Variants in ATP8A1 observed in about 807,000 individuals in gnomAD.
The protein encoded by ATP8A1 is phospholipid-transporting ATPase IA.
In ATP8A1, 90 loss-of-function variants were observed where a neutral mutation model predicts 177.7. That is an observed-to-expected ratio of 0.51 (90% CI 0.43 to 0.60). The LOEUF is 0.60. Ranked by LOEUF, ATP8A1 falls within the 20% of genes least tolerant of loss-of-function variation. The pLI, the probability that ATP8A1 is intolerant of heterozygous loss-of-function variation, is 0.00. For synonymous variants in ATP8A1, 493 were observed against 485.9 expected (o/e 1.01, Z -0.19); for missense variants, 1,072 against 1,392.8 (o/e 0.77, Z 3.67).
At chr4:42,468,483 T>A (rs1450628725) in intron 25 of ATP8A1, among the ~76,000 whole-genome samples, 2 of 151,664 alleles carry the variant, frequency 1.3e-5, no homozygotes, top group African/African-American at 4.8e-5. Context: ...ATGAATGAGA[T>A]GGAATACTAC....
In ATP8A1 at chr4:42,455,401, G is replaced by A; in HGVS notation, c.2713C>T (p.Pro905Ser). The change falls in exon 29 of 37, where the codon CCT (proline) becomes TCT (serine). Residue 905 changes from proline to serine, a missense_variant. Transcript: ENST00000381668. ...LYNVMFTAMPPLTLGIFERSC... is the reference protein window; with the variant it reads ...LYNVMFTAMPSLTLGIFERSC... ...CTCTCAAATATTCCAAGAGTTAAAG[G>A]AGGCATTGCTGTAAACATCTAAAGC... The A allele has an allele frequency of 6.2e-7, 1 of 1,613,830 alleles. No homozygotes were observed. Among genetic ancestry groups the A allele is most frequent in the Non-Finnish European group, 8.5e-7 (1 of 1,179,814 alleles).
At chr4:42,448,539 A>T (rs997152864) in intron 30 of ATP8A1, among the ~76,000 whole-genome samples, 1 of 151,330 alleles carries the variant, frequency 6.6e-6, no homozygotes, top group Non-Finnish European at 1.5e-5. Flanking sequence ...TTGGGGTTAC[A>T]GGCACACGTC....
chr4:42,425,569 G>C (rs1714507825), intron 33 of ATP8A1, among the ~76,000 whole-genome samples: 2 of 151,964 alleles, frequency 1.3e-5, no homozygotes, highest in Admixed American at 6.6e-5. Flanking sequence ...GAAGAGGGGG[G>C]GAAAAATAAA....
At chr4:42,618,542 C>T (rs1027854808) in intron 4 of ATP8A1, among the ~76,000 whole-genome samples, 1 of 152,138 alleles carries the variant, frequency 6.6e-6, no homozygotes, top group African/African-American at 2.4e-5. Context: ...ATCCATTTAC[C>T]CAAACCAGGA....
At chr4:42,421,119 TA>T (rs1183334369) in intron 35 of ATP8A1, among the ~76,000 whole-genome samples, 1 of 152,060 alleles carries the variant, frequency 6.6e-6, no homozygotes, top group African/African-American at 2.4e-5. Context: ...CTGACATAAT[TA>T]ATTTACTAGC....
intron 5 of ATP8A1, among the ~76,000 whole-genome samples, chr4:42,610,728 T>C (rs1257616771): frequency 1.3e-5 from 2 of 152,154 alleles, no homozygotes; most frequent in Non-Finnish European, 2.9e-5. Context: ...TTTGTGACAA[T>C]CTGAAAATAT....
At chr4:42,551,633 A>G (rs998796530) in intron 17 of ATP8A1, among the ~76,000 whole-genome samples, 5 of 152,208 alleles carry the variant, frequency 3.3e-5, no homozygotes, top group Admixed American at 6.5e-5. Flanking sequence ...CTAAACTTTT[A>G]TCCTTTTCCT....
chr4:42,453,435 G>T (rs771814051), intron 29 of ATP8A1, among the ~76,000 whole-genome samples: 2 of 152,112 alleles, frequency 1.3e-5, no homozygotes, highest in Non-Finnish European at 2.9e-5. Context: ...ACACTCAAAT[G>T]GGTATAGAAA....
intron 15 of ATP8A1, 71 bp downstream of exon 15, chr4:42,569,090 G>T: frequency 1.1e-6 from 1 of 931,936 alleles, no homozygotes; most frequent in Non-Finnish European, 1.5e-6. Flanking sequence ...AGAGTGAAAT[G>T]TGTCTTACAA....
At chr4:42,545,618 C>T (rs537236003) in intron 19 of ATP8A1, among the ~76,000 whole-genome samples, 44 of 152,320 alleles carry the variant, frequency 2.9e-4, no homozygotes, top group Middle Eastern at 6.8e-3. Context: ...CCAAGTCTCC[C>T]GCGTTCCCTC....
chr4:42,483,836 TAGAA>T (rs1026737757), intron 25 of ATP8A1, among the ~76,000 whole-genome samples: 10 of 152,178 alleles, frequency 6.6e-5, no homozygotes, highest in South Asian at 4.1e-4. Context: ...TGATTTGACT[TAGAA>T]AGAAAGATAC....
Position 42,452,722 on chromosome 4 carries a change from C to G in ATP8A1, c.2818-663G>C, listed in dbSNP as rs373058200. 5.9e-4 allele frequency among the ~76,000 whole-genome samples: 90 copies of G among 152,254 alleles called. 1 individual carries two copies. The South Asian group carries it at 0.018, about 30-fold the overall frequency. ...TGTATTTTAAGAACAAGAGAGCAAG[C>G]GTCACTGGTACTTTCTTTGTAACAT... On this transcript the variant is annotated intron_variant, in intron 29 of 36. Coordinates refer to ENST00000381668, the MANE Select transcript of ATP8A1 (RefSeq NM_006095.2).
intron 25 of ATP8A1, among the ~76,000 whole-genome samples, chr4:42,476,864 A>G (rs1721121120): frequency 6.6e-6 from 1 of 152,240 alleles, no homozygotes; most frequent in Admixed American, 6.5e-5. Context: ...ACAAGCAGGA[A>G]AAAAGAGAAG....
chr4:42,554,082 G>T (rs913528548), intron 16 of ATP8A1, among the ~76,000 whole-genome samples: 2 of 152,164 alleles, frequency 1.3e-5, no homozygotes, highest in African/African-American at 4.8e-5. Flanking sequence ...AAGAGAGAAC[G>T]CAGAGAATAG....
chr4:42,627,356 C>T (rs894809823), intron 1 of ATP8A1, among the ~76,000 whole-genome samples: 1 of 152,118 alleles, frequency 6.6e-6, no homozygotes, highest in Non-Finnish European at 1.5e-5. Context: ...CTTTCCATTT[C>T]CCCCGTAAGT....
At chr4:42,541,998 G>A (rs1728436161) in intron 20 of ATP8A1, among the ~76,000 whole-genome samples, 1 of 152,140 alleles carries the variant, frequency 6.6e-6, no homozygotes, top group South Asian at 2.1e-4. Flanking sequence ...ACAATACCAA[G>A]AGTGAACCCT....
At chr4:42,534,598 T>C (rs1271385526) in intron 20 of ATP8A1, among the ~76,000 whole-genome samples, 3 of 152,186 alleles carry the variant, frequency 2.0e-5, no homozygotes, top group Non-Finnish European at 4.4e-5. Context: ...GAAGGAATCA[T>C]CGAGGAAAAT....
At chr4:42,634,497 C>T (rs953930384) in intron 1 of ATP8A1, among the ~76,000 whole-genome samples, 9 of 152,096 alleles carry the variant, frequency 5.9e-5, no homozygotes, top group Admixed American at 1.3e-4. Flanking sequence ...CCTTAGATAC[C>T]ATGCATCCTT....
At chr4:42,572,314 AATCC>A (rs1731990938) in intron 14 of ATP8A1, among the ~76,000 whole-genome samples, 1 of 151,206 alleles carries the variant, frequency 6.6e-6, no homozygotes. Flanking sequence ...GGATTCCCAT[AATCC>A]AAGAGTGCCC....
Sources: gnomAD v4.1 joint callset for allele counts (sites outside exome capture counted in the v4.1 genomes callset) on GRCh38, gnomAD v4.1.1 for gene constraint, MANE v1.5 for transcripts, NCBI Gene and HGNC (gene_info 2026-07-23, HGNC 2026-07-21) for gene names.